The following ANAPC10 variants were observed in gnomAD, a reference collection of about 807,000 sequenced individuals.
ANAPC10 encodes anaphase-promoting complex subunit 10.
A neutral mutation model predicts 22.0 loss-of-function variants in ANAPC10; 12 were observed. That is an observed-to-expected ratio of 0.55 (90% confidence interval 0.35 to 0.88). The LOEUF (loss-of-function observed/expected upper bound fraction) is 0.88, where lower values mean the gene tolerates loss of function less well. Ranked by LOEUF, ANAPC10 falls within the 40% of genes least tolerant of loss-of-function variation. ANAPC10 has a pLI of 0.01. For missense variants in ANAPC10, 188 were observed against 220.9 expected, an observed-to-expected ratio of 0.85 and a Z score of 0.94; for synonymous variants, 65 against 69.5, an observed-to-expected ratio of 0.94 and a Z score of 0.32.
At chr4:145,050,803 G>T (rs906926643) in intron 4 of ANAPC10, among the ~76,000 whole-genome samples, 1 of 152,190 alleles carries the variant, frequency 6.6e-6, no homozygotes, top group Non-Finnish European at 1.5e-5. Context: ...ATATTGAAGA[G>T]AATTAGGACC....
At position 145,048,573 on chromosome 4, in the gene ANAPC10, C is replaced by G. The variant is rs373806267; in HGVS notation, c.327+15999G>C. On this transcript the variant is annotated intron_variant, in intron 4 of 4. Coordinates refer to ENST00000507656, the MANE Select transcript of ANAPC10 (RefSeq NM_001256706.2). ...TTAACTATAGAAGCAACTACTAATA[C>G]CATCTACTGGTAGTTGACAGCGCTG... is the stretch of plus-strand genomic sequence containing the variant. Among the ~76,000 whole-genome samples, 22 of 152,174 alleles carry G rather than the reference C, an allele frequency of 1.4e-4. No homozygotes were observed. The East Asian group carries it at 4.2e-3, about 29-fold the overall frequency.
At chr4:145,021,205 T>C (rs1249755399) in intron 4 of ANAPC10, among the ~76,000 whole-genome samples, 2 of 152,140 alleles carry the variant, frequency 1.3e-5, no homozygotes, top group East Asian at 1.9e-4. Context: ...CACAAAAAGA[T>C]TTCACATAGC....
chr4:145,032,020 G>A (rs1253947943), intron 4 of ANAPC10, among the ~76,000 whole-genome samples: 2 of 152,200 alleles, frequency 1.3e-5, no homozygotes, highest in African/African-American at 2.4e-5. Flanking sequence ...CAAGTTACAT[G>A]AGGAAGTGGC....
chr4:145,028,364 C>G (rs978903603), intron 4 of ANAPC10, among the ~76,000 whole-genome samples: 2 of 152,164 alleles, frequency 1.3e-5, no homozygotes, highest in Non-Finnish European at 2.9e-5. Flanking sequence ...ATAGGACTCC[C>G]AAGTTGCTCA....
At position 145,095,969 on chromosome 4, in the gene ANAPC10, G is replaced by A. The variant is rs1688244612; in HGVS notation, c.115+16C>T. The A allele has an allele frequency of 6.2e-7, 1 of 1,613,942 alleles. No individual in the cohort carries two copies. The highest frequency in any genetic ancestry group is 8.5e-7 in the Non-Finnish European group (1 of 1,179,888). On this transcript the variant is annotated intron_variant, in intron 2 of 4. Coordinates refer to ENST00000507656, the MANE Select transcript of ANAPC10 (RefSeq NM_001256706.2). Reference sequence around the variant, plus strand: ...AGTGACTATTTCCAACAGCTTTTTTGTTTGTTAGTTTTTACCTGGTTTGCA... The same window carrying A: ...AGTGACTATTTCCAACAGCTTTTTTATTTGTTAGTTTTTACCTGGTTTGCA...
intron 3 of ANAPC10, among the ~76,000 whole-genome samples, chr4:145,075,774 GGA>G (rs1745105563): frequency 6.6e-6 from 1 of 152,152 alleles, no homozygotes; most frequent in Non-Finnish European, 1.5e-5. Context: ...AGTGCTGCTT[GGA>G]GAGTTAGCAG....
At chr4:145,044,581 C>T (rs1740012995) in intron 4 of ANAPC10, among the ~76,000 whole-genome samples, 1 of 151,988 alleles carries the variant, frequency 6.6e-6, no homozygotes, top group Admixed American at 6.6e-5. Flanking sequence ...TTTTCATTCG[C>T]AATGTTGTTT....
chr4:145,091,530 G>A (rs917466824), intron 2 of ANAPC10, among the ~76,000 whole-genome samples: 3 of 152,082 alleles, frequency 2.0e-5, no homozygotes, highest in Non-Finnish European at 4.4e-5. Context: ...AAAAAACGGG[G>A]GGAGGGGGAA....
intron 2 of ANAPC10, among the ~76,000 whole-genome samples, chr4:145,095,305 T>G (rs773044375): frequency 2.6e-5 from 4 of 152,228 alleles, no homozygotes; most frequent in Non-Finnish European, 5.9e-5. Context: ...AACTGTGTAC[T>G]GTCTGAGTAG....
At chr4:145,097,468 C>T in intron 1 of ANAPC10, 1 of 1,286,796 alleles carries the variant, frequency 7.8e-7, no homozygotes, top group Non-Finnish European at 1.0e-6. Context: ...ATATGCTATT[C>T]AAAATAGGTG....
At chr4:145,038,011 TA>T (rs1246872591) in intron 4 of ANAPC10, among the ~76,000 whole-genome samples, 3 of 151,364 alleles carry the variant, frequency 2.0e-5, no homozygotes, top group Admixed American at 6.6e-5. Context: ...ACCTACCTTT[TA>T]AACAACTGAT....
chr4:145,034,629 T>A (rs994175255), intron 4 of ANAPC10, among the ~76,000 whole-genome samples: 1 of 150,318 alleles, frequency 6.7e-6, no homozygotes. Flanking sequence ...ATGTATTATA[T>A]ATAATATCCT....
At chr4:145,029,881 C>A (rs1737296668) in intron 4 of ANAPC10, among the ~76,000 whole-genome samples, 1 of 152,100 alleles carries the variant, frequency 6.6e-6, no homozygotes, top group Admixed American at 6.6e-5. Flanking sequence ...GAGGGCAGCA[C>A]CCCCATTTTT....
In ANAPC10 at chr4:145,069,369, C is replaced by T. The variant is rs563138523; in HGVS notation, c.207-4677G>A. 1.2e-4 allele frequency among the ~76,000 whole-genome samples: 19 copies of T among 152,260 alleles called. No individual in the cohort carries two copies. The East Asian group carries it at 2.5e-3, about 20-fold the overall frequency. On this transcript the variant is annotated intron_variant, in intron 3 of 4. Transcript: ENST00000507656. ...ACAAAGAAAAAACTCCAGAAATATGCGTGGGGTCCCCTTCATTCTATGCCT... is the reference window on the plus strand; with the variant it reads ...ACAAAGAAAAAACTCCAGAAATATGTGTGGGGTCCCCTTCATTCTATGCCT...
chr4:145,013,139 T>C (rs1305700805), intron 4 of ANAPC10, among the ~76,000 whole-genome samples: 2 of 152,152 alleles, frequency 1.3e-5, no homozygotes, highest in African/African-American at 2.4e-5. Context: ...TGTCTTTTCT[T>C]TACAAATTAT....
rs548030508 is a variant in ANAPC10 at position 145,061,229 on chromosome 4, G to C, written c.327+3343C>G. Among the ~76,000 whole-genome samples the C allele has an allele frequency of 1.4e-4, 22 of 152,210 alleles. No individual in the cohort carries two copies. The South Asian group carries it at 4.6e-3, about 32-fold the overall frequency. ...TATATGGCTAATGTTTCAGCACTTA[G>C]ATGACATAATAGAAGCAAAGACTAG... On this transcript the variant is annotated intron_variant, in intron 4 of 4. Transcript: ENST00000507656.
intron 4 of ANAPC10, among the ~76,000 whole-genome samples, chr4:145,010,338 A>T (rs1331609302): frequency 6.6e-6 from 1 of 152,172 alleles, no homozygotes; most frequent in Admixed American, 6.5e-5. Flanking sequence ...TACCCAAAGG[A>T]TTATAAATCA....
intron 4 of ANAPC10, among the ~76,000 whole-genome samples, chr4:145,051,368 C>T (rs566974183): frequency 5.9e-5 from 9 of 152,096 alleles, no homozygotes; most frequent in Non-Finnish European, 1.0e-4. Context: ...TAAGAATCAC[C>T]GATCACAGAT....
chr4:145,036,102 A>T (rs1199125782), intron 4 of ANAPC10, among the ~76,000 whole-genome samples: 1 of 152,244 alleles, frequency 6.6e-6, no homozygotes, highest in African/African-American at 2.4e-5. Flanking sequence ...ATGCCTAAAA[A>T]AAATTTAAGC....
Sources: allele counts gnomAD v4.1 joint callset (sites outside exome capture counted in the v4.1 genomes callset), GRCh38; gene constraint gnomAD v4.1.1; transcripts MANE v1.5; gene names NCBI Gene and HGNC (gene_info 2026-07-23, HGNC 2026-07-21).